Variants in NCLN observed in about 807,000 individuals in gnomAD.
The protein encoded by NCLN is nicalin, also known as BOS complex subunit NCLN.
A neutral mutation model predicts 69.5 loss-of-function variants in NCLN; 34 were observed. That is an observed-to-expected ratio of 0.49 (90% CI 0.37 to 0.65). The LOEUF (loss-of-function observed/expected upper bound fraction) is 0.65. Among genes scored for constraint, NCLN ranks in the 30% least tolerant of loss-of-function variants. NCLN has a pLI of 0.00. For missense variants in NCLN, 710 were observed against 804.8 expected (o/e 0.88, Z 1.42); for synonymous variants, 393 against 358.3 (o/e 1.10, Z -1.09).
chr19:3,199,189 G>A (rs1321057385), intron 5 of NCLN, among the ~76,000 whole-genome samples: 3 of 152,226 alleles, frequency 2.0e-5, no homozygotes, highest in Admixed American at 1.3e-4. Context: ...GCTGGGTGCC[G>A]TGGCTCCACA....
intron 5 of NCLN, among the ~76,000 whole-genome samples, chr19:3,200,953 G>A (rs1313302728): frequency 2.0e-5 from 3 of 152,208 alleles, no homozygotes; most frequent in South Asian, 2.1e-4. Context: ...CCCTTTATAT[G>A]CTGTGGCCTT....
At position 3,205,346 on chromosome 19, in the gene NCLN, C is replaced by G. The variant is rs1401716778; in HGVS notation, c.1209-593C>G. Among the ~76,000 whole-genome samples, 1 of 152,242 alleles carries G rather than the reference C, an allele frequency of 6.6e-6. No individual in the cohort carries two copies. Among genetic ancestry groups the G allele is most frequent in the Non-Finnish European group, 1.5e-5 (1 of 68,044 alleles). ...CCCGCAGTCCCGGCATAGATCCTTC[C>G]CGTTCATCCACTCTGCTCTGCGGTC... On this transcript the variant is annotated intron_variant, in intron 9 of 14. Coordinates refer to ENST00000246117, the MANE Select transcript of NCLN (RefSeq NM_020170.4). This position sits in a 1 kb window ranked among gnomAD's most constrained non-coding sequence, Gnocchi z 4.6.
chr19:3,200,529 C>G (rs1314912049), intron 5 of NCLN, among the ~76,000 whole-genome samples: 2 of 151,560 alleles, frequency 1.3e-5, no homozygotes, highest in Non-Finnish European at 2.9e-5. Context: ...CCAGGATGGT[C>G]TTGAACTCCA....
chr19:3,188,678 C>G (rs111464626), intron 1 of NCLN, among the ~76,000 whole-genome samples: 140 of 152,350 alleles, frequency 9.2e-4, no homozygotes, highest in African/African-American at 3.2e-3. Context: ...TTTTCTTTCT[C>G]CTAGTGAGGA....
Position 3,204,124 on chromosome 19 carries a change from T to G in NCLN, c.1009T>G (p.Phe337Val). ...TCGGGAGGGCACCCTGCAGCACGCCTTCCTGCGGGAGCTGGAGACGGTGGG... is the reference window on the plus strand; with the variant it reads ...TCGGGAGGGCACCCTGCAGCACGCCGTCCTGCGGGAGCTGGAGACGGTGGG... ...PPREGTLQHA[F>V]LRELETVAAH... is the part of the protein sequence containing the mutation. Residue 337 changes from phenylalanine (F) to valine (V), a missense_variant, in exon 8 of 15, where the codon TTC becomes GTC. By Grantham distance (50) the Phe-to-Val change is conservative. Transcript: ENST00000246117. 1 of 1,515,080 alleles carries G rather than the reference T, an allele frequency of 6.6e-7. No individual in the cohort carries two copies. Among genetic ancestry groups the G allele is most frequent in the Non-Finnish European group, 8.8e-7 (1 of 1,132,752 alleles). 93.9% of individuals were successfully genotyped at this position (1,515,080 alleles called of 1,614,324 possible).
chr19:3,199,686 C>T (rs1916072325), intron 5 of NCLN, among the ~76,000 whole-genome samples: 1 of 137,980 alleles, frequency 7.2e-6, no homozygotes, highest in Admixed American at 7.6e-5. Flanking sequence ...ACCCTGCCTC[C>T]TCCTTTTTTT....
rs1304221010 is a variant in NCLN, at chr19:3,206,452, C to T, written c.1499+27C>T. ...TGAGGCTGGGGCTCCGCGCTGGCCC[C>T]GTTCAGCCTGGGGCCGAGGGGGACC... On this transcript the variant is annotated intron_variant, in intron 12 of 14. Coordinates refer to ENST00000246117, the MANE Select transcript of NCLN (RefSeq NM_020170.4). 1.4e-5 allele frequency: 22 copies of T among 1,537,082 alleles called. No homozygotes were observed. In the East Asian group the frequency reaches 2.0e-4, roughly 14 times the overall value.
At position 3,187,596 on chromosome 19, in the gene NCLN, G is replaced by T. The variant is rs187135788; in HGVS notation, c.184+1382G>T. On this transcript the variant is annotated intron_variant, in intron 1 of 14. Transcript: ENST00000246117. ...TTACTTAGAGCCATTGTTGTCAACC[G>T]AGGGGACGCTGGGTGATGTCTGGGG... Among the ~76,000 whole-genome samples, 473 of 152,324 alleles carry T rather than the reference G, an allele frequency of 3.1e-3. 1 individual carries two copies. Among genetic ancestry groups the T allele is most frequent in the Non-Finnish European group, 4.1e-3 (281 of 68,026 alleles).
chr19:3,207,520 C>T (rs372097554), intron 14 of NCLN, 51 bp downstream of exon 14: 1 of 1,608,630 alleles, frequency 6.2e-7, no homozygotes, highest in African/African-American at 1.3e-5. Flanking sequence ...CCGGGAGGAG[C>T]TGGGCTGGGC....
chr19:3,187,973 G>A (rs1474163339), intron 1 of NCLN, among the ~76,000 whole-genome samples: 1 of 152,144 alleles, frequency 6.6e-6, no homozygotes, highest in African/African-American at 2.4e-5. Context: ...AGGCTGCCGA[G>A]CCCCCAAAGC....
chr19:3,201,388 TGTGGGCAGAGGTCATGGGGCTACG>T lies in NCLN; in HGVS notation c.697-133_697-110del. ...ACAGCACAGAGATGACCGTGGCTGC[TGTGGGCAGAGGTCATGGGGCTACG>T]GGAGTAGGGTGGGGGTGACGGAGAG... On this transcript the variant is annotated intron_variant, in intron 5 of 14. Transcript: ENST00000246117. 7.8e-6 allele frequency: 5 copies of T among 638,138 alleles called. No individual in the cohort carries two copies. In the South Asian group the frequency reaches 9.2e-5, roughly 12 times the overall value. 39.5% of individuals were successfully genotyped at this position (638,138 alleles called of 1,614,324 possible). A position where few individuals can be genotyped will look rare whatever the true frequency, so the allele number is the denominator to read the frequency against.
chr19:3,204,681 C>G lies in NCLN; in HGVS notation c.1138C>G (p.Leu380Val). The change falls in exon 9 of 15, where the codon CTG (leucine) becomes GTG (valine). Residue 380 changes from leucine to valine, a missense_variant. Physicochemically the swap from Leu to Val is conservative, Grantham distance 32. Transcript: ENST00000246117. ...WEHERFAIRR[L>V]PAFTLSHLES... ...GCACGAGCGCTTCGCCATCCGCCGA[C>G]TGCCCGCCTTCACGCTGTCCCACCT... 1.2e-6 allele frequency: 2 copies of G among 1,608,474 alleles called. No homozygotes were observed. Among genetic ancestry groups the G allele is most frequent in the Non-Finnish European group, 1.7e-6 (2 of 1,177,802 alleles).
chr19:3,187,647 G>A (rs1915704801), intron 1 of NCLN, among the ~76,000 whole-genome samples: 1 of 152,222 alleles, frequency 6.6e-6, no homozygotes, highest in African/African-American at 2.4e-5. Flanking sequence ...ACGACCACGG[G>A]TGCTCCTGGC....
intron 4 of NCLN, among the ~76,000 whole-genome samples, chr19:3,198,444 T>C (rs1199634534): frequency 6.7e-6 from 1 of 150,300 alleles, no homozygotes; most frequent in Non-Finnish European, 1.5e-5. Context: ...GAGGTGGAGC[T>C]TGCAGTGAGC....
intron 9 of NCLN, 108 bp downstream of exon 9, chr19:3,204,859 A>C: frequency 4.3e-6 from 5 of 1,172,154 alleles, no homozygotes; most frequent in Non-Finnish European, 4.4e-6. Context: ...GCCCCCACAC[A>C]CAGGCTGCGA....
intron 1 of NCLN, 145 bp from the exon 2 acceptor site, chr19:3,192,325 C>T (rs1304384987): frequency 1.3e-5 from 9 of 673,272 alleles, no homozygotes; most frequent in East Asian, 3.3e-5. Context: ...TGGGGGGACC[C>T]TGGGAGCTTC....
In NCLN at chr19:3,196,350, G is replaced by A. The variant is rs537570606; in HGVS notation, c.615+73G>A. On this transcript the variant is annotated intron_variant, in intron 4 of 14. Transcript: ENST00000246117. ...TGCCATCCGCCTGGCTCCCCGGCTC[G>A]GCCGTACTAGAGGGGAGCCGCTGAT... is the stretch of plus-strand genomic sequence containing the variant. 9.4e-5 allele frequency: 110 copies of A among 1,169,396 alleles called. No individual in the cohort carries two copies. In the African/African-American group the frequency reaches 1.5e-3, roughly 16 times the overall value. The allele number at this position is 1,169,396 out of a possible 1,614,324, so 72.4% of individuals were successfully genotyped here.
intron 5 of NCLN, 113 bp from the exon 6 acceptor site, chr19:3,201,410 A>G (rs1916122646): frequency 1.4e-6 from 1 of 718,076 alleles, no homozygotes; most frequent in Non-Finnish European, 2.4e-6. Flanking sequence ...TCATGGGGCT[A>G]CGGGAGTAGG....
intron 4 of NCLN, among the ~76,000 whole-genome samples, chr19:3,197,834 T>C (rs1025870362): frequency 6.6e-6 from 1 of 152,220 alleles, no homozygotes; most frequent in African/African-American, 2.4e-5. Context: ...CTGGCCAGGC[T>C]GGTCTGGAAC....
Sources: gnomAD v4.1 joint callset for allele counts (sites outside exome capture counted in the v4.1 genomes callset) on GRCh38, gnomAD v4.1.1 for gene constraint, Gnocchi (gnomAD v3.1) non-coding constraint, MANE v1.5 for transcripts, NCBI Gene and HGNC (gene_info 2026-07-23, HGNC 2026-07-21) for gene names.